NFATC3: variants seen among roughly 807,000 people sequenced by gnomAD.
NFATC3 encodes the protein nuclear factor of activated T-cells, cytoplasmic 3.
In NFATC3, 46 loss-of-function variants were observed where a neutral mutation model predicts 98.6. That is an observed-to-expected ratio of 0.47 (90% CI 0.37 to 0.60). NFATC3 has a LOEUF of 0.60. Among genes scored for constraint, NFATC3 ranks in the 20% least tolerant of loss-of-function variants. The probability of loss-of-function intolerance (pLI) is 0.00; values close to 1 mark genes in which losing one functional copy is unlikely to be tolerated. For synonymous variants in NFATC3, 512 were observed against 472.2 expected (o/e 1.08, Z -1.09); for missense variants, 1,256 against 1,295.5 (o/e 0.97, Z 0.47).
intron 9 of NFATC3, among the ~76,000 whole-genome samples, chr16:68,199,188 C>T (rs1220396094): frequency 3.3e-5 from 5 of 151,724 alleles, no homozygotes; most frequent in Non-Finnish European, 7.4e-5. Context: ...TGCACTGCAG[C>T]GTGGGCAACA....
intron 1 of NFATC3, among the ~76,000 whole-genome samples, chr16:68,088,167 G>C (rs551167507): frequency 6.6e-5 from 10 of 151,770 alleles, no homozygotes; most frequent in Non-Finnish European, 1.5e-4. Flanking sequence ...GTAGAATTCA[G>C]ATCCTTGCTG....
At position 68,227,607 on chromosome 16, in the gene NFATC3, C is replaced by T. The variant is rs1380038797; in HGVS notation, c.*1136C>T. ...ATAGCCTGAAATGATTCTGGCCTAC[C>T]CTGTCCTGTCTGTATGATCTAAAAA... is the stretch of plus-strand genomic sequence containing the variant. On this transcript the variant is annotated 3_prime_UTR_variant, in exon 10 of 10. Coordinates refer to ENST00000346183, the MANE Select transcript of NFATC3 (RefSeq NM_173165.3). 3 of 152,064 alleles carry T rather than the reference C, an allele frequency of 2.0e-5. No individual in the cohort carries two copies. Among genetic ancestry groups the T allele is most frequent in the South Asian group, 2.1e-4 (1 of 4,830 alleles). 9.4% of individuals were successfully genotyped at this position (152,064 alleles called of 1,614,324 possible). A position where few individuals can be genotyped will look rare whatever the true frequency, so the allele number is the denominator to read the frequency against.
intron 3 of NFATC3, chr16:68,138,375 T>C (rs2037559923): frequency 8.6e-6 from 5 of 581,504 alleles, no homozygotes; most frequent in South Asian, 2.0e-5. Flanking sequence ...ACTATTATTA[T>C]AGTTCAAGCT....
intron 1 of NFATC3, among the ~76,000 whole-genome samples, chr16:68,109,475 C>A (rs1483924539): frequency 6.6e-6 from 1 of 152,096 alleles, no homozygotes; most frequent in Non-Finnish European, 1.5e-5. Context: ...ATTCGGTTTA[C>A]CAGTATTTAT....
Position 68,215,722 on chromosome 16 carries a change from C to CTTTTTTTTTTTT in NFATC3, c.3107-10616_3107-10605dup, listed in dbSNP as rs35024337. Among the ~76,000 whole-genome samples the CTTTTTTTTTTTT allele has an allele frequency of 1.4e-4, 13 of 96,034 alleles. 1 individual carries two copies. The highest frequency in any genetic ancestry group is 1.8e-4 in the African/African-American group (4 of 22,734). The allele number at this position is 96,034 out of a possible 152,430, so 63.0% of individuals were successfully genotyped here. On this transcript the variant is annotated intron_variant, in intron 9 of 9. Transcript: ENST00000346183. ...CTTCTTTGAGATAGAGAGATTTGCA[C>CTTTTTTTTTTTT]TTTTTTTTTTTTTTTTTTTTTTTGA...
At chr16:68,167,087 A>T (rs1235559260) in intron 5 of NFATC3, 72 bp downstream of exon 5, 1 of 1,494,566 alleles carries the variant, frequency 6.7e-7, no homozygotes, top group Non-Finnish European at 9.1e-7. Flanking sequence ...TTATAATGTA[A>T]TGTATGCGTC....
At chr16:68,159,527 A>G (rs1404971535) in intron 4 of NFATC3, among the ~76,000 whole-genome samples, 2 of 150,662 alleles carry the variant, frequency 1.3e-5, no homozygotes, top group African/African-American at 2.4e-5. Flanking sequence ...GGTTGATGCC[A>G]TTCTCCTGCC....
chr16:68,200,864 G>A (rs1009770741), intron 9 of NFATC3: 4 of 152,130 alleles, frequency 2.6e-5, no homozygotes, highest in Non-Finnish European at 5.9e-5. Flanking sequence ...TATGCCGCAG[G>A]TTTTGGACCA....
intron 3 of NFATC3, among the ~76,000 whole-genome samples, chr16:68,152,410 C>A (rs2038386325): frequency 6.8e-6 from 1 of 146,118 alleles, no homozygotes. Flanking sequence ...AAGTACCATT[C>A]TACTGGGTAT....
chr16:68,130,598 C>T (rs773902991), intron 3 of NFATC3, among the ~76,000 whole-genome samples: 11 of 152,108 alleles, frequency 7.2e-5, no homozygotes, highest in South Asian at 2.1e-4. Flanking sequence ...TCCCATTCTA[C>T]GGGTTGTCTC....
intron 3 of NFATC3, among the ~76,000 whole-genome samples, chr16:68,156,342 A>C (rs1019444559): frequency 6.7e-6 from 1 of 149,964 alleles, no homozygotes; most frequent in Admixed American, 6.7e-5. Flanking sequence ...ACAAAAACAA[A>C]AACAAATGGA....
chr16:68,211,179 C>T (rs1265115657), intron 9 of NFATC3, among the ~76,000 whole-genome samples: 2 of 151,524 alleles, frequency 1.3e-5, no homozygotes, highest in African/African-American at 2.4e-5. Flanking sequence ...TCAAAAGAAT[C>T]GAAACTCTTT....
chr16:68,190,635 A>C (rs1333238472), intron 8 of NFATC3, 133 bp from the exon 9 acceptor site: 1 of 794,258 alleles, frequency 1.3e-6, no homozygotes. Flanking sequence ...ACGATATTTT[A>C]TATGAACTGC....
rs758553001 is a variant in NFATC3, at chr16:68,122,599, A to C, written c.716A>C (p.Gln239Pro). ...CTTGGACACTCATTATCACCCAGGC[A>C]ATCTCCTTGCCACTCTCCTAGATCC... ...YGLGHSLSPR[Q>P]SPCHSPRSSV... is the part of the protein sequence containing the mutation. The change falls in exon 2 of 10, where the codon CAA becomes CCA. Residue 239 changes from glutamine (Q) to proline (P), a missense_variant. Around this residue, in one of 3 missense-constraint regions of NFATC3, gnomAD observed 464 missense variants for 465.7 expected, o/e 1.00. Coordinates refer to ENST00000346183, the MANE Select transcript of NFATC3 (RefSeq NM_173165.3). 3 of 1,614,044 alleles carry C rather than the reference A, an allele frequency of 1.9e-6. No homozygotes were observed. The East Asian group carries it at 6.7e-5, about 36-fold the overall frequency.
chr16:68,222,376 T>TA (rs1434778419), intron 9 of NFATC3, among the ~76,000 whole-genome samples: 2 of 141,984 alleles, frequency 1.4e-5, no homozygotes, highest in Non-Finnish European at 3.1e-5. Context: ...TTTTTGATGA[T>TA]AAAACACCAT....
intron 3 of NFATC3, among the ~76,000 whole-genome samples, chr16:68,154,399 C>T (rs755913559): frequency 6.6e-5 from 10 of 152,094 alleles, no homozygotes; most frequent in African/African-American, 1.4e-4. Context: ...GATCCTGCCT[C>T]CACCCTAGTT....
chr16:68,122,748 C>T lies in NFATC3; in HGVS notation c.865C>T (p.Pro289Ser). ...AEVCYAGSLS[P>S]HHSPVPSPGH... ...AGTTTGTTATGCTGGGTCCCTTTCA[C>T]CCCATCACTCACCTGTTCCTTCACC... Residue 289 changes from proline (P) to serine (S), a missense_variant, in exon 2 of 10, where the codon CCC becomes TCC. This residue lies in a region of NFATC3 where 464 missense variants were observed against 465.7 expected (regional missense o/e 1.00). Transcript: ENST00000346183. 6.2e-7 allele frequency: 1 copy of T among 1,614,232 alleles called. No homozygotes were observed. The highest frequency in any genetic ancestry group is 8.5e-7 in the Non-Finnish European group (1 of 1,180,042).
At chr16:68,166,746 A>G in intron 4 of NFATC3, 97 bp from the exon 5 acceptor site, 1 of 927,900 alleles carries the variant, frequency 1.1e-6, no homozygotes, top group Admixed American at 2.9e-5. Context: ...AATTTTGGGT[A>G]GTTTTTTTCT....
chr16:68,144,363 T>C (rs1406506499), intron 3 of NFATC3, among the ~76,000 whole-genome samples: 1 of 152,184 alleles, frequency 6.6e-6, no homozygotes, highest in African/African-American at 2.4e-5. Flanking sequence ...CTCTGGAATA[T>C]AGTTTGTTAG....
Sources: gnomAD v4.1 joint callset for allele counts (sites outside exome capture counted in the v4.1 genomes callset) on GRCh38, gnomAD v4.1.1 for gene constraint, gnomAD v4.1.1 regional missense constraint, MANE v1.5 for transcripts, NCBI Gene and HGNC (gene_info 2026-07-23, HGNC 2026-07-21) for gene names.